Variants in RIF1 observed in about 807,000 individuals in gnomAD.
RIF1 encodes telomere-associated protein RIF1.
RIF1 carries 45 observed loss-of-function variants against 247.1 expected under a neutral mutation model. That is an observed-to-expected ratio of 0.18 (90% confidence interval 0.14 to 0.23). RIF1 has a LOEUF of 0.23. Among genes scored for constraint, RIF1 ranks in the 10% least tolerant of loss-of-function variants. The pLI is 1.00. For missense variants in RIF1, 2,967 were observed against 2,862.5 expected (o/e 1.04, Z -0.83); for synonymous variants, 1,087 against 978.8 (o/e 1.11, Z -2.06).
At chr2:151,474,361 A>G (rs1211978557) in intron 35 of RIF1, among the ~76,000 whole-genome samples, 1 of 152,160 alleles carries the variant, frequency 6.6e-6, no homozygotes, top group Admixed American at 6.5e-5. Context: ...GCACAGAATA[A>G]TCTATGAGAA....
Position 151,479,319 on chromosome 2 carries a change from A to G in RIF1, c.*4248A>G, listed in dbSNP as rs1196355119. Reference sequence around the variant, plus strand: ...AAAAATATGGACGATTTATTTTTTAAGTAGGCAGACTAAGAATTTCAAGTT... The same window carrying G: ...AAAAATATGGACGATTTATTTTTTAGGTAGGCAGACTAAGAATTTCAAGTT... On this transcript the variant is annotated 3_prime_UTR_variant, in exon 36 of 36. Coordinates refer to ENST00000444746, the MANE Select transcript of RIF1 (RefSeq NM_018151.5). 6.6e-6 allele frequency: 1 copy of G among 152,260 alleles called. No individual in the cohort carries two copies. The highest frequency in any genetic ancestry group is 2.4e-5 in the African/African-American group (1 of 41,464). The allele number at this position is 152,260 out of a possible 1,614,324, so 9.4% of individuals were successfully genotyped here. A position where few individuals can be genotyped will look rare whatever the true frequency, so the allele number is the denominator to read the frequency against.
chr2:151,424,856 T>C (rs867879864), intron 8 of RIF1, among the ~76,000 whole-genome samples: 68 of 110,476 alleles, frequency 6.2e-4, no homozygotes, highest in East Asian at 3.7e-3. Flanking sequence ...TTTTTTTTTT[T>C]CCATATTTTT....
intron 11 of RIF1, among the ~76,000 whole-genome samples, chr2:151,501,652 T>C (rs532884424): frequency 1.3e-5 from 2 of 152,218 alleles, no homozygotes; most frequent in African/African-American, 2.4e-5. Context: ...GGACATTTAG[T>C]CACACACAGG....
intron 3 of RIF1, among the ~76,000 whole-genome samples, chr2:151,414,514 T>C (rs917251254): frequency 6.6e-6 from 1 of 152,200 alleles, no homozygotes; most frequent in Non-Finnish European, 1.5e-5. Context: ...GGAAGGGCCT[T>C]GCTCCCTTTT....
chr2:151,426,295 C>T (rs1689089887), intron 8 of RIF1, among the ~76,000 whole-genome samples: 1 of 150,390 alleles, frequency 6.6e-6, no homozygotes, highest in African/African-American at 2.4e-5. Context: ...CTGCCTCAGC[C>T]TCCCGAGTAG....
rs2049082400 is a variant in RIF1 at position 151,479,580 on chromosome 2, A to G, written c.*4509A>G. The stretch of plus-strand genomic sequence containing the variant: ...AGTGCTATAATGAATAAGTCAGTCT[A>G]GCAGATATGCCCTGTCATTATACTG... On this transcript the variant is annotated 3_prime_UTR_variant, in exon 36 of 36. Transcript: ENST00000444746. 1 of 152,180 alleles carries G rather than the reference A, an allele frequency of 6.6e-6. No homozygotes were observed. The highest frequency in any genetic ancestry group is 6.5e-5 in the Admixed American group (1 of 15,272). The allele number at this position is 152,180 out of a possible 1,614,324, so 9.4% of individuals were successfully genotyped here.
chr2:151,514,882 A>G, the RIF1 span: 1 of 1,588,458 alleles, frequency 6.3e-7, no homozygotes, highest in Non-Finnish European at 8.6e-7. Flanking sequence ...CAGGCCAGTC[A>G]GGTTTCTGCC....
chr2:151,494,635 T>G (rs2058885519), intron 9 of RIF1, among the ~76,000 whole-genome samples: 2 of 151,896 alleles, frequency 1.3e-5, no homozygotes. Context: ...AGCTGTTTGT[T>G]TTTTTTTGTT....
intron 3 of RIF1, among the ~76,000 whole-genome samples, chr2:151,412,372 G>A (rs1345598734): frequency 6.6e-6 from 1 of 151,820 alleles, no homozygotes; most frequent in East Asian, 1.9e-4. Flanking sequence ...TAAAATTGAG[G>A]TGGGGGTCTT....
At chr2:151,505,895 A>T (rs937008033) in intron 12 of RIF1, 28 of 548,018 alleles carry the variant, frequency 5.1e-5, no homozygotes, top group Non-Finnish European at 8.8e-5. Flanking sequence ...ACATACATAT[A>T]TCCAGGAAGG....
intron 19 of RIF1, 112 bp from the exon 20 acceptor site, chr2:151,446,314 G>C: frequency 1.2e-6 from 1 of 810,238 alleles, no homozygotes; most frequent in Non-Finnish European, 1.9e-6. Context: ...TGTCTTTTTT[G>C]ACACACTAAA....
At chr2:151,503,262 T>C in intron 12 of RIF1, 1 of 976,466 alleles carries the variant, frequency 1.0e-6, no homozygotes, top group Non-Finnish European at 1.6e-6. Flanking sequence ...GAATTGCTGT[T>C]AAGATGTTAC....
the RIF1 span, among the ~76,000 whole-genome samples, chr2:151,530,363 CTCT>C: frequency 2.0e-5 from 3 of 152,122 alleles, no homozygotes; most frequent in Non-Finnish European, 4.4e-5. Context: ...CCCACTTTTG[CTCT>C]TCTTAAATTT....
chr2:151,496,285 A>G, intron 10 of RIF1: 1 of 1,608,526 alleles, frequency 6.2e-7, no homozygotes. Flanking sequence ...CCGAGCTAAT[A>G]TTTTCTTGAT....
intron 31 of RIF1, 111 bp from the exon 32 acceptor site, chr2:151,468,360 CTTT>C: frequency 1.0e-6 from 1 of 959,940 alleles, no homozygotes; most frequent in South Asian, 1.5e-5. Flanking sequence ...GTAGATTACT[CTTT>C]TTATGTTTTT....
Position 151,463,496 on chromosome 2 carries a change from A to G in RIF1, c.3976A>G (p.Asn1326Asp). 1 of 1,614,104 alleles carries G rather than the reference A, an allele frequency of 6.2e-7. No homozygotes were observed. Among genetic ancestry groups the G allele is most frequent in the Non-Finnish European group, 8.5e-7 (1 of 1,179,962 alleles). ...TGTTGAAGGCATTGTAGTCTTAGAA[A>G]ATAACCCACCTGGTTTGCTTAATCA... Reference protein sequence around the residue: ...ESVEGIVVLENNPPGLLNQTE... With the variant: ...ESVEGIVVLEDNPPGLLNQTE... Residue 1326 changes from asparagine to aspartate, a missense_variant, in exon 30 of 36, where the codon AAT becomes GAT. By Grantham distance (23) the Asn-to-Asp change is conservative. Transcript: ENST00000444746.
chr2:151,527,837 A>G, the RIF1 span, among the ~76,000 whole-genome samples: 161 of 152,280 alleles, frequency 1.1e-3, 2 homozygotes, highest in South Asian at 0.02. Flanking sequence ...TGATTCTTCA[A>G]TCTCTCTAGT....
At chr2:151,415,969 AAAGTTC>A (rs1687156846) in intron 4 of RIF1, among the ~76,000 whole-genome samples, 1 of 152,232 alleles carries the variant, frequency 6.6e-6, no homozygotes, top group South Asian at 2.1e-4. Flanking sequence ...GCTGAATTGA[AAAGTTC>A]TTTGACATGA....
chr2:151,419,713 T>C (rs1157808287), intron 6 of RIF1, among the ~76,000 whole-genome samples: 1 of 152,212 alleles, frequency 6.6e-6, no homozygotes, highest in Non-Finnish European at 1.5e-5. Flanking sequence ...GCAGTAGATT[T>C]GTTTACACCA....
Sources: allele counts gnomAD v4.1 joint callset (sites outside exome capture counted in the v4.1 genomes callset), GRCh38; gene constraint gnomAD v4.1.1; transcripts MANE v1.5; gene names NCBI Gene and HGNC (gene_info 2026-07-23, HGNC 2026-07-21).